The following IRAG2 variants were observed in gnomAD, a reference collection of about 807,000 sequenced individuals.
IRAG2 encodes inositol 1,4,5-triphosphate receptor associated 2, also known as lymphoid restricted membrane protein.
Under a neutral mutation model 69.9 loss-of-function variants are expected in IRAG2, and 45 were observed. The observed-to-expected ratio is 0.64, with a 90% confidence interval of 0.51 to 0.83. The LOEUF is 0.83. IRAG2 is among the 40% of genes least tolerant of loss of function. IRAG2 has a pLI of 0.00. For synonymous variants in IRAG2, 193 were observed against 202.4 expected, an observed-to-expected ratio of 0.95 and a Z score of 0.40; for missense variants, 520 against 587.0, an observed-to-expected ratio of 0.89 and a Z score of 1.18.
intron 10 of IRAG2, chr12:25,031,215 A>T (rs1355666782): frequency 3.8e-6 from 1 of 259,790 alleles, no homozygotes; most frequent in Non-Finnish European, 6.0e-6. Context: ...TCCTAACTTG[A>T]TGTCTTCATT....
chr12:25,085,759 C>A, intron 10 of IRAG2, among the ~76,000 whole-genome samples: 1 of 152,192 alleles, frequency 6.6e-6, no homozygotes, highest in Admixed American at 6.5e-5. Flanking sequence ...CTAACACATC[C>A]TCTTATATAC....
rs538397481 is a variant in IRAG2 at position 25,010,864 on chromosome 12, G to C, written c.689-480G>C. On this transcript the variant is annotated intron_variant, in intron 2 of 38. Transcript: ENST00000636465. The stretch of plus-strand genomic sequence containing the variant: ...GTTTGGATGATTTTCTTTTCTGAAT[G>C]TGATAGTAGGGATGACTGTCTAAAA... 5.0e-4 allele frequency among the ~76,000 whole-genome samples: 76 copies of C among 152,268 alleles called. 1 individual carries two copies. In the South Asian group the frequency reaches 0.015, roughly 31 times the overall value.
intron 2 of IRAG2, among the ~76,000 whole-genome samples, chr12:25,009,746 A>C (rs1457495870): frequency 6.6e-6 from 1 of 152,132 alleles, no homozygotes; most frequent in East Asian, 1.9e-4. Flanking sequence ...GTTCCCATCC[A>C]AAAGCCAGCA....
At position 25,096,841 on chromosome 12, in the gene IRAG2, TAGTC is replaced by T. The variant is rs1469277686; in HGVS notation, c.607-65_607-62del. On this transcript the variant is annotated intron_variant, in intron 14 of 21. Transcript: ENST00000556887. The stretch of plus-strand genomic sequence containing the variant: ...TAGAATGTCATCCACATTTGCAACT[TAGTC>T]AGTGTTAGAATCACTCGCTGAATGC... The T allele has an allele frequency of 7.1e-5, 89 of 1,255,420 alleles. No individual in the cohort carries two copies. In the South Asian group the frequency reaches 1.2e-3, roughly 17 times the overall value. 77.8% of individuals were successfully genotyped at this position (1,255,420 alleles called of 1,614,324 possible). A position where few individuals can be genotyped will look rare whatever the true frequency, so the allele number is the denominator to read the frequency against.
Position 25,107,945 on chromosome 12 carries a change from TATTCCAGA to T in IRAG2, c.1387_1394del (p.Phe463ValfsTer57). Reference sequence around the variant, plus strand: ...TTGATGAGCTTCCTCACAGGCCAATTATTCCAGAAGTCTGTGGATGCCGCTCCCACACA... The same window carrying T: ...TTGATGAGCTTCCTCACAGGCCAATTAGTCTGTGGATGCCGCTCCCACACA... On this transcript the variant is annotated frameshift_variant, in exon 22 of 22. Coordinates refer to ENST00000556887, the MANE Select transcript of IRAG2 (RefSeq NM_001366544.2). LOFTEE classifies it high-confidence loss of function. 1 of 1,614,204 alleles carries T rather than the reference TATTCCAGA, an allele frequency of 6.2e-7. No homozygotes were observed. The highest frequency in any genetic ancestry group is 8.5e-7 in the Non-Finnish European group (1 of 1,180,034).
chr12:25,077,266 A>T (rs10627419), intron 6 of IRAG2, among the ~76,000 whole-genome samples: 7,401 of 32,780 alleles, frequency 0.23, 2,180 homozygotes, highest in East Asian at 0.46. Context: ...ATATATATGA[A>T]ATATATATGA....
rs1173018465 is a variant in IRAG2 at position 25,060,573 on chromosome 12, A to G, written c.-446-1019A>G. Among the ~76,000 whole-genome samples, 2 of 151,364 alleles carry G rather than the reference A, an allele frequency of 1.3e-5. 1 individual carries two copies. The highest frequency in any genetic ancestry group is 4.9e-5 in the African/African-American group (2 of 41,188). On this transcript the variant is annotated intron_variant, in intron 1 of 21. Coordinates refer to ENST00000556887, the MANE Select transcript of IRAG2 (RefSeq NM_001366544.2). ...TCTACTTGTAGGATTCTGGGATCCT[A>G]GGGCTGTAATTTGAGGGCTCAAGCA...
At chr12:25,053,936 A>C in intron 1 of IRAG2, among the ~76,000 whole-genome samples, 1 of 152,088 alleles carries the variant, frequency 6.6e-6, no homozygotes, top group East Asian at 1.9e-4. Context: ...TCTAGTTTTA[A>C]AATAGCAATG....
intron 6 of IRAG2, among the ~76,000 whole-genome samples, chr12:25,072,942 C>CA (rs750271332): frequency 2.6e-5 from 4 of 152,240 alleles, no homozygotes; most frequent in Non-Finnish European, 5.9e-5. Flanking sequence ...TGTCAAGCCC[C>CA]ATTTCAAAAA....
chr12:25,043,179 T>C (rs1324075436), intron 16 of IRAG2, among the ~76,000 whole-genome samples: 1 of 152,130 alleles, frequency 6.6e-6, no homozygotes, highest in African/African-American at 2.4e-5. Context: ...TGAATCCAGC[T>C]TCATCAAGGC....
chr12:25,102,849 G>GGTCA (rs1948833262), intron 17 of IRAG2: 1 of 152,214 alleles, frequency 6.6e-6, no homozygotes, highest in Non-Finnish European at 1.5e-5. Context: ...TGATACTGAA[G>GGTCA]GTCAACTGGC....
chr12:25,042,132 G>T (rs1158588644), intron 16 of IRAG2, among the ~76,000 whole-genome samples: 1 of 152,128 alleles, frequency 6.6e-6, no homozygotes, highest in Admixed American at 6.5e-5. Context: ...GAAGTGATAA[G>T]AAATTATTAA....
At chr12:25,002,244 G>A (rs563685774), upstream of IRAG2, among the ~76,000 whole-genome samples, 58 of 152,252 alleles carry the variant, frequency 3.8e-4, no homozygotes, top group African/African-American at 1.3e-3. Context: ...ATTCAAGGTG[G>A]GAATTTCTCC....
intron 16 of IRAG2, among the ~76,000 whole-genome samples, chr12:25,041,086 G>A (rs1050734090): frequency 1.3e-5 from 2 of 152,182 alleles, no homozygotes; most frequent in Non-Finnish European, 2.9e-5. Context: ...GCTATGTGAT[G>A]ATCCGGGTGT....
intron 9 of IRAG2, among the ~76,000 whole-genome samples, chr12:25,082,237 G>A (rs1361102424): frequency 1.3e-5 from 2 of 152,104 alleles, no homozygotes; most frequent in Non-Finnish European, 2.9e-5. Flanking sequence ...AATTTTCACT[G>A]TAAAACATTT....
At chr12:25,094,309 C>T (rs1370895223) in intron 14 of IRAG2, among the ~76,000 whole-genome samples, 1 of 151,882 alleles carries the variant, frequency 6.6e-6, no homozygotes, top group South Asian at 2.1e-4. Flanking sequence ...ATGTGGATAT[C>T]GAGTTTTCTC....
In IRAG2 at chr12:25,053,640, A is replaced by G. The variant is rs376149822; in HGVS notation, c.-447+684A>G. Among the ~76,000 whole-genome samples, 8 of 152,264 alleles carry G rather than the reference A, an allele frequency of 5.3e-5. No individual in the cohort carries two copies. The East Asian group carries it at 9.6e-4, about 18-fold the overall frequency. On this transcript the variant is annotated intron_variant, in intron 1 of 21. Transcript: ENST00000556887. ...AATTGTTTCATTCTAGAAACCTAAT[A>G]TGGTAAAAATAAACCTTACTTATTT...
At chr12:25,025,580 T>G (rs1944614722) in intron 8 of IRAG2, among the ~76,000 whole-genome samples, 1 of 152,112 alleles carries the variant, frequency 6.6e-6, no homozygotes, top group South Asian at 2.1e-4. Context: ...AAAGGAGTAA[T>G]ATGATCTAAT....
chr12:25,044,788 A>G (rs73282844), intron 16 of IRAG2, among the ~76,000 whole-genome samples: 2,577 of 152,298 alleles, frequency 0.017, 70 homozygotes, highest in African/African-American at 0.057. Flanking sequence ...GAAGGGGGAA[A>G]TAGAAGACAT....
Sources: gnomAD v4.1 joint callset for allele counts (sites outside exome capture counted in the v4.1 genomes callset) on GRCh38, gnomAD v4.1.1 for gene constraint, MANE v1.5 for transcripts, NCBI Gene and HGNC (gene_info 2026-07-23, HGNC 2026-07-21) for gene names.